ACSM6: variants seen among roughly 807,000 people sequenced by gnomAD.
ACSM6 encodes the protein acyl-coenzyme A synthetase ACSM6, mitochondrial.
Under a neutral mutation model 51.1 loss-of-function variants are expected in ACSM6, and 35 were observed. The observed-to-expected ratio is 0.69, with a 90% CI of 0.52 to 0.91. The LOEUF is 0.91. ACSM6 is among the 40% of genes least tolerant of loss of function. ACSM6 has a pLI of 0.00. For missense variants in ACSM6, 509 were observed against 584.1 expected, an observed-to-expected ratio of 0.87 and a Z score of 1.32; for synonymous variants, 172 against 207.3, an observed-to-expected ratio of 0.83 and a Z score of 1.46.
intron 10 of ACSM6, chr10:95,228,385 C>T (rs1711637899): frequency 2.7e-6 from 1 of 374,212 alleles, no homozygotes; most frequent in East Asian, 4.6e-5. Context: ...ATTTAAGCCT[C>T]AGGACAAACC....
chr10:95,209,715 T>C (rs631107), intron 4 of ACSM6, among the ~76,000 whole-genome samples: 79,860 of 151,706 alleles, frequency 0.53, 21,938 homozygotes, highest in Middle Eastern at 0.66. Context: ...ATTTTTATAA[T>C]TGAAGTTTTA....
intron 3 of ACSM6, among the ~76,000 whole-genome samples, chr10:95,206,282 TTAC>T (rs1176334483): frequency 6.6e-6 from 1 of 152,196 alleles, no homozygotes; most frequent in Non-Finnish European, 1.5e-5. Context: ...CTTCTTTCAG[TTAC>T]CATAATGTTT....
chr10:95,227,941 G>A (rs764982421), intron 10 of ACSM6, among the ~76,000 whole-genome samples: 4 of 152,016 alleles, frequency 2.6e-5, no homozygotes, highest in African/African-American at 4.8e-5. Context: ...CTTGGTGATC[G>A]GCGCCTGTAA....
At chr10:95,214,892 G>A in exon 8 of ACSM6, 2 of 1,551,556 alleles carry the variant, frequency 1.3e-6, no homozygotes, top group Non-Finnish European at 1.7e-6. Context: ...GGCTGCAGGA[G>A]GACCCATCAG....
intron 2 of ACSM6, among the ~76,000 whole-genome samples, chr10:95,200,216 A>T (rs1251595133): frequency 6.6e-6 from 1 of 151,976 alleles, no homozygotes; most frequent in Non-Finnish European, 1.5e-5. Flanking sequence ...ATGAAGCTGG[A>T]AACCATCATT....
At chr10:95,198,680 C>G (rs965970375) in intron 2 of ACSM6, among the ~76,000 whole-genome samples, 1 of 151,646 alleles carries the variant, frequency 6.6e-6, no homozygotes, top group Non-Finnish European at 1.5e-5. Flanking sequence ...TCCATGGTCA[C>G]ATAAATAAAA....
At chr10:95,210,909 A>G in intron 5 of ACSM6, 116 bp downstream of exon 5, 1 of 1,258,188 alleles carries the variant, frequency 7.9e-7, no homozygotes, top group Non-Finnish European at 1.1e-6. Context: ...AGAAAGTGTC[A>G]ATATTGAGAG....
At chr10:95,194,609 G>A in exon 2 of ACSM6, 1 of 1,552,216 alleles carries the variant, frequency 6.4e-7, no homozygotes, top group South Asian at 1.2e-5. Flanking sequence ...CAGGTGCCTA[G>A]TCCAAGCAGT....
chr10:95,200,586 G>C (rs2034784527), intron 2 of ACSM6, among the ~76,000 whole-genome samples: 1 of 129,934 alleles, frequency 7.7e-6, no homozygotes, highest in African/African-American at 2.9e-5. Context: ...AGAAGATGAA[G>C]AAAGAAGAAG....
At chr10:95,224,557 C>T (rs1006504830) in intron 9 of ACSM6, among the ~76,000 whole-genome samples, 47 of 152,178 alleles carry the variant, frequency 3.1e-4, no homozygotes, top group Admixed American at 3.9e-4. Flanking sequence ...TGCGCCACCA[C>T]GCCCAGCTAA....
chr10:95,201,929 C>A, intron 2 of ACSM6, 56 bp from the exon 3 acceptor site: 1 of 1,471,684 alleles, frequency 6.8e-7, no homozygotes, highest in South Asian at 1.2e-5. Flanking sequence ...CAGTGGCCTC[C>A]CATAGCCAAT....
At chr10:95,206,253 T>C (rs191502812) in intron 3 of ACSM6, among the ~76,000 whole-genome samples, 205 of 152,348 alleles carry the variant, frequency 1.3e-3, no homozygotes, top group Non-Finnish European at 2.2e-3. Flanking sequence ...GAATGCAACA[T>C]CTAGCTTTTT....
rs149441409 is a variant in ACSM6, at chr10:95,224,488, C to T, written c.1201-802C>T. ...CTGGGGTGCAATGGCATGATCTTGG[C>T]CTCCCGGGTTCAAGCAATTCTCCTG... On this transcript the variant is annotated intron_variant, in intron 9 of 10. Coordinates refer to ENST00000341686, the Ensembl canonical transcript of ACSM6. 3.6e-3 allele frequency among the ~76,000 whole-genome samples: 543 copies of T among 152,310 alleles called. 5 individuals are homozygous for T. Among genetic ancestry groups the T allele is most frequent in the African/African-American group, 0.012 (493 of 41,568 alleles).
intron 4 of ACSM6, among the ~76,000 whole-genome samples, chr10:95,209,305 A>C (rs1435983712): frequency 2.0e-5 from 3 of 152,138 alleles, no homozygotes; most frequent in Admixed American, 6.5e-5. Flanking sequence ...AGGGCACCTG[A>C]AGTGCGGAGA....
chr10:95,200,782 G>T (rs1241366904), intron 2 of ACSM6, among the ~76,000 whole-genome samples: 1 of 151,484 alleles, frequency 6.6e-6, no homozygotes, highest in African/African-American at 2.4e-5. Context: ...AGAAGGAAAG[G>T]AGGGATGGGG....
intron 2 of ACSM6, among the ~76,000 whole-genome samples, 192 bp downstream of exon 2, chr10:95,194,869 G>A (rs964009844): frequency 5.3e-5 from 8 of 152,336 alleles, no homozygotes; most frequent in African/African-American, 1.7e-4. Flanking sequence ...TCCTGGCTCT[G>A]CTGCTAAATA....
chr10:95,220,674 C>T (rs896473720), intron 9 of ACSM6, among the ~76,000 whole-genome samples: 4 of 152,022 alleles, frequency 2.6e-5, no homozygotes, highest in African/African-American at 9.7e-5. Flanking sequence ...CTGAAATTGA[C>T]CCAATTTTGT....
intron 2 of ACSM6, among the ~76,000 whole-genome samples, chr10:95,199,099 T>A (rs1321589401): frequency 6.6e-6 from 1 of 152,132 alleles, no homozygotes; most frequent in Non-Finnish European, 1.5e-5. Context: ...GACTTCAAAC[T>A]ATACTACAAG....
At chr10:95,203,854 A>AT (rs1222607043) in intron 3 of ACSM6, among the ~76,000 whole-genome samples, 20 of 120,666 alleles carry the variant, frequency 1.7e-4, no homozygotes, top group African/African-American at 6.4e-4. Flanking sequence ...GGGATGCTAG[A>AT]TTTAAAAAAA....
Sources: gnomAD v4.1 joint callset for allele counts (sites outside exome capture counted in the v4.1 genomes callset) on GRCh38, gnomAD v4.1.1 for gene constraint, MANE v1.5 for transcripts, NCBI Gene and HGNC (gene_info 2026-07-23, HGNC 2026-07-21) for gene names.